KCNIP4: variants seen among roughly 807,000 people sequenced by gnomAD.
KCNIP4 encodes Kv channel-interacting protein 4.
KCNIP4 carries 12 observed loss-of-function variants against 34.0 expected under a neutral mutation model. The ratio of observed to expected loss-of-function variants is 0.35; its 90% CI spans 0.23 to 0.57. KCNIP4 has a LOEUF of 0.57. Ranked by LOEUF, KCNIP4 falls within the 20% of genes least tolerant of loss-of-function variation. The probability of loss-of-function intolerance (pLI) is 0.83; values close to 1 mark genes in which losing one functional copy is unlikely to be tolerated. For missense variants in KCNIP4, 238 were observed against 311.7 expected, an observed-to-expected ratio of 0.76 and a Z score of 1.78; for synonymous variants, 124 against 102.2, an observed-to-expected ratio of 1.21 and a Z score of -1.29.
At position 20,840,838 on chromosome 4, in the gene KCNIP4, C is replaced by T. The variant is rs550069192; in HGVS notation, c.288+9705G>A. ...GGATACCAACACCCCCATCTCCTTC[C>T]GCTCAACTTTGAAATATGTTGCAAG... On this transcript the variant is annotated intron_variant, in intron 3 of 8. Transcript: ENST00000382152. 2.8e-4 allele frequency among the ~76,000 whole-genome samples: 42 copies of T among 152,266 alleles called. No homozygotes were observed. In the South Asian group the frequency reaches 6.8e-3, roughly 25 times the overall value.
At chr4:21,288,818 C>G (rs943050255) in intron 1 of KCNIP4, among the ~76,000 whole-genome samples, 1 of 152,182 alleles carries the variant, frequency 6.6e-6, no homozygotes, top group Non-Finnish European at 1.5e-5. Context: ...TGTATGAGAA[C>G]ATGTGGTATT....
intron 1 of KCNIP4, among the ~76,000 whole-genome samples, chr4:21,709,776 T>C (rs1713574306): frequency 6.6e-6 from 1 of 152,146 alleles, no homozygotes. Flanking sequence ...CAGAAACATA[T>C]ATACTCAGTG....
chr4:20,888,526 G>T (rs945107652), intron 1 of KCNIP4, among the ~76,000 whole-genome samples: 1 of 152,082 alleles, frequency 6.6e-6, no homozygotes, highest in Non-Finnish European at 1.5e-5. Context: ...GAGGAGGTGG[G>T]ACTGAATTCC....
At chr4:21,755,272 C>T (rs1299726579) in intron 1 of KCNIP4, among the ~76,000 whole-genome samples, 1 of 152,160 alleles carries the variant, frequency 6.6e-6, no homozygotes, top group Non-Finnish European at 1.5e-5. Flanking sequence ...GGGCTGAGGC[C>T]TACCCACCAA....
intron 1 of KCNIP4, among the ~76,000 whole-genome samples, chr4:21,856,608 T>C (rs9884203): frequency 0.87 from 133,048 of 152,198 alleles, 58,308 homozygotes; most frequent in South Asian, 0.91. Flanking sequence ...GCCTGTGCAC[T>C]TGGGGGCTGG....
chr4:21,714,785 G>GATGATTTTATTTTATTTT lies in KCNIP4; in HGVS notation c.61+233785_61+233786insAAAATAAAATAAAATCAT, dbSNP rs1553923853. Among the ~76,000 whole-genome samples the GATGATTTTATTTTATTTT allele has an allele frequency of 3.7e-4, 16 of 43,386 alleles. 4 individuals are homozygous for GATGATTTTATTTTATTTT. Among genetic ancestry groups the GATGATTTTATTTTATTTT allele is most frequent in the Non-Finnish European group, 5.0e-4 (14 of 28,000 alleles). The allele number at this position is 43,386 out of a possible 152,430, so 28.5% of individuals were successfully genotyped here. A position where few individuals can be genotyped will look rare whatever the true frequency, so the allele number is the denominator to read the frequency against. ...AAGAATGTGTTAGTAATTTCCCTTT[G>GATGATTTTATTTTATTTT]ATTATTTTATTTTATTTTATTTTAT... On this transcript the variant is annotated intron_variant, in intron 1 of 8. Transcript: ENST00000382152.
At chr4:21,231,425 C>G (rs2109021454) in intron 1 of KCNIP4, among the ~76,000 whole-genome samples, 1 of 152,096 alleles carries the variant, frequency 6.6e-6, no homozygotes, top group East Asian at 1.9e-4. Context: ...GTGCTATTTC[C>G]CAAATCATAT....
intron 1 of KCNIP4, among the ~76,000 whole-genome samples, chr4:21,589,214 A>ACATATATGTATCTATAC (rs1577650560): frequency 2.2e-4 from 27 of 122,468 alleles, no homozygotes; most frequent in Non-Finnish European, 4.6e-4. Flanking sequence ...GTACATATAT[A>ACATATATGTATCTATAC]AGTACACATG....
At chr4:21,107,821 C>G (rs891542514) in intron 1 of KCNIP4, among the ~76,000 whole-genome samples, 2 of 151,230 alleles carry the variant, frequency 1.3e-5, no homozygotes, top group Non-Finnish European at 2.9e-5. Flanking sequence ...TCAGCATTTG[C>G]TTGTCTGTAA....
chr4:21,806,869 G>C (rs1364277645), intron 1 of KCNIP4, among the ~76,000 whole-genome samples: 1 of 152,074 alleles, frequency 6.6e-6, no homozygotes. Flanking sequence ...AGACAAGGAG[G>C]GTTGGATGGG....
At chr4:21,565,860 A>G (rs1739843031) in intron 1 of KCNIP4, among the ~76,000 whole-genome samples, 11 of 152,158 alleles carry the variant, frequency 7.2e-5, no homozygotes, top group Admixed American at 7.2e-4. Context: ...AAAACTGGTG[A>G]CTGATTCTGC....
intron 1 of KCNIP4, among the ~76,000 whole-genome samples, chr4:21,656,138 T>C (rs528616813): frequency 6.6e-6 from 1 of 152,294 alleles, no homozygotes; most frequent in Admixed American, 6.5e-5. Flanking sequence ...TAAGGAAGAA[T>C]CTACTCCATG....
intron 8 of KCNIP4, 162 bp downstream of exon 8, chr4:20,731,844 G>A (rs933323682): frequency 1.9e-5 from 19 of 985,376 alleles, no homozygotes; most frequent in South Asian, 4.7e-5. Context: ...TATGTAATTG[G>A]TGCTTGTTTT....
chr4:21,862,425 G>A (rs1326981715), intron 1 of KCNIP4, among the ~76,000 whole-genome samples: 1 of 152,130 alleles, frequency 6.6e-6, no homozygotes, highest in Non-Finnish European at 1.5e-5. Context: ...CTCATCAAAA[G>A]AGATAAGAAT....
chr4:21,204,945 A>G (rs1274574128), intron 1 of KCNIP4, among the ~76,000 whole-genome samples: 1 of 152,214 alleles, frequency 6.6e-6, no homozygotes, highest in Non-Finnish European at 1.5e-5. Flanking sequence ...GAATAACTAC[A>G]ATAAGTGGGA....
chr4:20,736,912 A>AT (rs1313856829), intron 5 of KCNIP4, among the ~76,000 whole-genome samples: 4 of 152,242 alleles, frequency 2.6e-5, no homozygotes, highest in African/African-American at 9.6e-5. Context: ...AACTTAGTAC[A>AT]AAGTTACATT....
intron 1 of KCNIP4, among the ~76,000 whole-genome samples, chr4:21,452,467 T>C (rs1728592470): frequency 6.6e-6 from 1 of 152,116 alleles, no homozygotes. Context: ...GTTCCTGTCC[T>C]GGCTATGTTT....
At chr4:21,770,808 A>C (rs2109190125) in intron 1 of KCNIP4, among the ~76,000 whole-genome samples, 1 of 152,086 alleles carries the variant, frequency 6.6e-6, no homozygotes, top group South Asian at 2.1e-4. Flanking sequence ...TTTCCTTGTA[A>C]ATATGTTTAA....
intron 1 of KCNIP4, among the ~76,000 whole-genome samples, chr4:21,157,896 T>G (rs1753263432): frequency 6.6e-6 from 1 of 151,900 alleles, no homozygotes; most frequent in Non-Finnish European, 1.5e-5. Context: ...AAAATGTAGT[T>G]CTTTTAAAAA....
Sources: gnomAD v4.1 joint callset for allele counts (sites outside exome capture counted in the v4.1 genomes callset) on GRCh38, gnomAD v4.1.1 for gene constraint, MANE v1.5 for transcripts, NCBI Gene and HGNC (gene_info 2026-07-23, HGNC 2026-07-21) for gene names.